Variants in CNTRL observed in about 807,000 individuals in gnomAD.
CNTRL encodes the protein 110 kDa centrosomal protein.
In CNTRL, 233 loss-of-function variants were observed where a neutral mutation model predicts 303.7. The observed-to-expected ratio is 0.77, with a 90% confidence interval of 0.69 to 0.86. CNTRL has a LOEUF of 0.86. CNTRL is among the 40% of genes least tolerant of loss of function. The pLI, the probability that CNTRL is intolerant of heterozygous loss-of-function variation, is 0.00. For missense variants in CNTRL, 2,524 were observed against 2,650.6 expected (o/e 0.95, Z 1.05); for synonymous variants, 900 against 922.2 (o/e 0.98, Z 0.44).
intron 7 of CNTRL, among the ~76,000 whole-genome samples, chr9:121,100,980 A>G (rs1245823940): frequency 6.6e-6 from 1 of 151,354 alleles, no homozygotes; most frequent in Non-Finnish European, 1.5e-5. Context: ...AACACCCCCC[A>G]CTGTCAATGT....
Position 121,115,093 on chromosome 9 carries a change from C to A in CNTRL, c.1348C>A (p.Gln450Lys). 1 of 1,580,168 alleles carries A rather than the reference C, an allele frequency of 6.3e-7. No individual in the cohort carries two copies. The highest frequency in any genetic ancestry group is 8.6e-7 in the Non-Finnish European group (1 of 1,163,260). The change falls in exon 11 of 44, where the codon CAA (glutamine) becomes AAA (lysine). Residue 450 changes from glutamine to lysine, a missense_variant and splice_region_variant. Gln to Lys is a moderately conservative substitution (Grantham distance 53, BLOSUM62 1). Coordinates refer to ENST00000373855, the MANE Select transcript of CNTRL (RefSeq NM_007018.6). ...EDKEKKISAA[Q>K]TRLSELHDEI... ...GAGCATGGTTTTTAAATTTGCAGCA[C>A]AAACTCGACTATCAGAACTGCATGA...
chr9:121,144,912 G>T lies in CNTRL; in HGVS notation c.3121G>T (p.Ala1041Ser). The T allele has an allele frequency of 6.2e-7, 1 of 1,613,598 alleles. No homozygotes were observed. Among genetic ancestry groups the T allele is most frequent in the Non-Finnish European group, 8.5e-7 (1 of 1,179,934 alleles). ...AGCCAGAGATCTCACCCGAGCAGAA[G>T]CTGAGATCGAACTCCTGCAGAATCT... Reference protein sequence around the residue: ...QAARDLTRAEAEIELLQNLLR... With the variant: ...QAARDLTRAESEIELLQNLLR... The change falls in exon 21 of 44, where the codon GCT (alanine) becomes TCT (serine). Residue 1041 changes from alanine to serine, a missense_variant. Transcript: ENST00000373855.
At chr9:121,152,402 C>A in intron 25 of CNTRL, 83 bp from the exon 26 acceptor site, 1 of 1,131,650 alleles carries the variant, frequency 8.8e-7, no homozygotes, top group East Asian at 2.4e-5. Flanking sequence ...ACTTTAACCA[C>A]AGTTAATTTC....
chr9:121,150,106 C>A, intron 24 of CNTRL, 64 bp from the exon 25 acceptor site: 1 of 1,347,782 alleles, frequency 7.4e-7, no homozygotes, highest in Non-Finnish European at 1.0e-6. Flanking sequence ...ATTTGTTTAC[C>A]TGGTAAACCA....
At chr9:121,148,513 A>G (rs534726733) in intron 23 of CNTRL, among the ~76,000 whole-genome samples, 159 bp from the exon 24 acceptor site, 1 of 152,342 alleles carries the variant, frequency 6.6e-6, no homozygotes, top group African/African-American at 2.4e-5. Flanking sequence ...TTATGTGACC[A>G]TGTAATCACC....
At chr9:121,175,388 T>G in intron 43 of CNTRL, 164 bp downstream of exon 43, 1 of 671,696 alleles carries the variant, frequency 1.5e-6, no homozygotes, top group South Asian at 1.5e-5. Flanking sequence ...CACCTCAGCC[T>G]CCCATGTAGC....
Position 121,145,338 on chromosome 9 carries a change from G to A in CNTRL, c.3263G>A (p.Arg1088Lys), listed in dbSNP as rs1277035335. ...EKLNETMERQ[R>K]TEIARLQNVL... is the part of the protein sequence containing the mutation. ...CTGAATGAGACAATGGAACGACAAA[G>A]GACAGAGATTGCAAGGCTGCAGAAT... Residue 1088 changes from arginine to lysine, a missense_variant, in exon 22 of 44, where the codon AGG (arginine) becomes AAG (lysine). By Grantham distance (26) the Arg-to-Lys change is conservative. Coordinates refer to ENST00000373855, the MANE Select transcript of CNTRL (RefSeq NM_007018.6). The A allele has an allele frequency of 1.9e-6, 3 of 1,613,922 alleles. No homozygotes were observed. Among genetic ancestry groups the A allele is most frequent in the Middle Eastern group, 1.6e-4 (1 of 6,082 alleles).
chr9:121,094,700 T>A (rs2048815222), intron 4 of CNTRL, among the ~76,000 whole-genome samples, 188 bp from the exon 5 acceptor site: 1 of 152,060 alleles, frequency 6.6e-6, no homozygotes, highest in Admixed American at 6.5e-5. Context: ...CAAAGAGAGT[T>A]TGGTAGCTTG....
Position 121,158,922 on chromosome 9 carries a change from A to C in CNTRL, c.4832A>C (p.His1611Pro). Reference sequence around the variant, plus strand: ...TTAGGGCATAAAAAGGAGGAGCTGCATCTACTCCAAGGAAGCATGGTCCAG... The same window carrying C: ...TTAGGGCATAAAAAGGAGGAGCTGCCTCTACTCCAAGGAAGCATGGTCCAG... ...RQLGHKKEEL[H>P]LLQGSMVQAK... The change falls in exon 31 of 44, where the codon CAT (histidine) becomes CCT (proline). Residue 1611 changes from histidine (H) to proline (P), a missense_variant. By Grantham distance (77) the His-to-Pro change is moderately conservative. Coordinates refer to ENST00000373855, the MANE Select transcript of CNTRL (RefSeq NM_007018.6). 1 of 1,614,192 alleles carries C rather than the reference A, an allele frequency of 6.2e-7. No homozygotes were observed. Among genetic ancestry groups the C allele is most frequent in the Non-Finnish European group, 8.5e-7 (1 of 1,180,004 alleles).
chr9:121,094,857 G>C, intron 4 of CNTRL, 31 bp from the exon 5 acceptor site: 1 of 1,487,982 alleles, frequency 6.7e-7, no homozygotes, highest in Non-Finnish European at 9.2e-7. Flanking sequence ...CATCTGTTGT[G>C]TAAAGTATTC....
intron 12 of CNTRL, among the ~76,000 whole-genome samples, chr9:121,121,275 C>G (rs1189806717): frequency 6.6e-6 from 1 of 152,060 alleles, no homozygotes; most frequent in Non-Finnish European, 1.5e-5. Context: ...AACATCTATC[C>G]ATTTTTCTTT....
Position 121,142,045 on chromosome 9 carries a change from A to G in CNTRL, c.2692-46A>G, listed in dbSNP as rs1314945351. ...ATAAAAAGTTTTTATTTTGCTTAAAACATATTTTGCCTAAAAATCATTCTT... is the reference window on the plus strand; with the variant it reads ...ATAAAAAGTTTTTATTTTGCTTAAAGCATATTTTGCCTAAAAATCATTCTT... On this transcript the variant is annotated intron_variant, in intron 18 of 43. Coordinates refer to ENST00000373855, the MANE Select transcript of CNTRL (RefSeq NM_007018.6). The G allele has an allele frequency of 2.7e-6, 4 of 1,472,074 alleles. No individual in the cohort carries two copies. The African/African-American group carries it at 5.7e-5, about 21-fold the overall frequency. The allele number at this position is 1,472,074 out of a possible 1,614,324, so 91.2% of individuals were successfully genotyped here.
Position 121,169,787 on chromosome 9 carries a change from C to T in CNTRL, c.6247C>T (p.Gln2083Ter), listed in dbSNP as rs1316629906. The T allele has an allele frequency of 1.9e-6, 3 of 1,614,136 alleles. No individual in the cohort carries two copies. The highest frequency in any genetic ancestry group is 2.5e-6 in the Non-Finnish European group (3 of 1,180,016). ...CAGCCTGAAGGAAGCACTTAAGATC[C>T]AGCGGAGCCAGCTGGAGAAAAACCT... ...VASLKEALKIQRSQLEKNLLE... is the reference protein window; with the variant it reads ...VASLKEALKI The change falls in exon 39 of 44, where the codon CAG becomes TAG. Residue 2083 changes from glutamine to a stop codon, truncating the protein, a stop_gained. Coordinates refer to ENST00000373855, the MANE Select transcript of CNTRL (RefSeq NM_007018.6). LOFTEE classifies it high-confidence loss of function.
intron 7 of CNTRL, among the ~76,000 whole-genome samples, chr9:121,105,903 T>C (rs1564211088): frequency 6.6e-6 from 1 of 152,110 alleles, no homozygotes; most frequent in Non-Finnish European, 1.5e-5. Context: ...TTGTAGTACT[T>C]AATAAATCAT....
At chr9:121,099,977 A>G (rs1335097197) in intron 7 of CNTRL, among the ~76,000 whole-genome samples, 1 of 152,234 alleles carries the variant, frequency 6.6e-6, no homozygotes, top group Non-Finnish European at 1.5e-5. Context: ...CAATTTGGAA[A>G]ACACTCTTCA....
intron 7 of CNTRL, among the ~76,000 whole-genome samples, chr9:121,107,391 T>C (rs2049527362): frequency 6.6e-6 from 1 of 152,182 alleles, no homozygotes; most frequent in South Asian, 2.1e-4. Context: ...TTCGCAAGCC[T>C]TTTGGATCTT....
Position 121,175,139 on chromosome 9 carries a change from G to A in CNTRL, c.6869G>A (p.Ser2290Asn). ...QVDALGELVT[S>N]TSADSASSPS... ...GATGCTTTAGGGGAATTGGTCACCA[G>A]CACCTCTGCAGATTCAGCGTCATCA... The change falls in exon 43 of 44, where the codon AGC becomes AAC. Residue 2290 changes from serine to asparagine, a missense_variant. By Grantham distance (46) the Ser-to-Asn change is conservative (BLOSUM62 1). Coordinates refer to ENST00000373855, the MANE Select transcript of CNTRL (RefSeq NM_007018.6). 6.2e-7 allele frequency: 1 copy of A among 1,614,144 alleles called. No homozygotes were observed. The highest frequency in any genetic ancestry group is 8.5e-7 in the Non-Finnish European group (1 of 1,180,020).
At position 121,089,658 on chromosome 9, in the gene CNTRL, G is replaced by A. The variant is rs181715110; in HGVS notation, c.218-617G>A. Among the ~76,000 whole-genome samples the A allele has an allele frequency of 2.2e-4, 34 of 152,060 alleles. 1 individual carries two copies. In the East Asian group the frequency reaches 5.4e-3, roughly 24 times the overall value. ...TTTCAGTGTTTCTGAACTTTAGATTGGAATTTTCTAAAAAAACAAACAACT... is the reference window on the plus strand; with the variant it reads ...TTTCAGTGTTTCTGAACTTTAGATTAGAATTTTCTAAAAAAACAAACAACT... On this transcript the variant is annotated intron_variant, in intron 3 of 43. Coordinates refer to ENST00000373855, the MANE Select transcript of CNTRL (RefSeq NM_007018.6).
chr9:121,158,004 C>T lies in CNTRL; in HGVS notation c.4659C>T (p.Asp1553=), dbSNP rs765857987. The change falls in exon 30 of 44, where the codon GAC becomes GAT. Residue 1553 remains aspartate (D), a synonymous_variant. Transcript: ENST00000373855. ...LTEELQKLQK[D]IEMAERNEDH... is the part of the protein sequence containing the mutation. ...GTAGGCTTCAGAAACTACAGAAAGA[C>T]ATAGAGATGGCAGAACGCAATGAGG... 34 of 1,613,936 alleles carry T rather than the reference C, an allele frequency of 2.1e-5. No individual in the cohort carries two copies. Among genetic ancestry groups the T allele is most frequent in the Non-Finnish European group, 2.9e-5 (34 of 1,180,024 alleles).
Sources: gnomAD v4.1 joint callset for allele counts (sites outside exome capture counted in the v4.1 genomes callset) on GRCh38, gnomAD v4.1.1 for gene constraint, MANE v1.5 for transcripts, NCBI Gene and HGNC (gene_info 2026-07-23, HGNC 2026-07-21) for gene names.